Variants in GRIP1 observed in about 807,000 individuals in gnomAD.
The protein encoded by GRIP1 is glutamate receptor interacting protein 1.
A neutral mutation model predicts 129.9 loss-of-function variants in GRIP1; 45 were observed. That is an observed-to-expected ratio of 0.35 (90% confidence interval 0.27 to 0.44). GRIP1 has a LOEUF of 0.44. Among genes scored for constraint, GRIP1 ranks in the 20% least tolerant of loss-of-function variants. The pLI, the probability that GRIP1 is intolerant of heterozygous loss-of-function variation, is 1.00. For missense variants in GRIP1, 1,196 were observed against 1,396.8 expected, an observed-to-expected ratio of 0.86 and a Z score of 2.29; for synonymous variants, 530 against 520.8, an observed-to-expected ratio of 1.02 and a Z score of -0.24.
At chr12:66,917,979 G>C (rs1457568115) in intron 1 of GRIP1, among the ~76,000 whole-genome samples, 64 of 139,736 alleles carry the variant, frequency 4.6e-4, no homozygotes, top group African/African-American at 1.2e-3. Flanking sequence ...CACACACGGA[G>C]AGAGAGAGAG....
At chr12:66,730,436 A>G (rs956528316) in intron 1 of GRIP1, among the ~76,000 whole-genome samples, 3 of 152,160 alleles carry the variant, frequency 2.0e-5, no homozygotes, top group Non-Finnish European at 4.4e-5. Flanking sequence ...AATGGTTGAA[A>G]AATGCATCAT....
Position 66,999,575 on chromosome 12 carries a change from TTAAG to T in GRIP1, c.58+69471_58+69474del, listed in dbSNP as rs1566112352. Among the ~76,000 whole-genome samples the T allele has an allele frequency of 3.3e-5, 5 of 152,200 alleles. 1 individual carries two copies. In the South Asian group the frequency reaches 6.2e-4, roughly 19 times the overall value. On this transcript the variant is annotated intron_variant, in intron 1 of 1. Coordinates refer to the GRIP1 transcript ENST00000643019. ...AAATTGTAAATCAAGAAAGAGAAGATTAAGTAAGTGAATATTAAAACCAACTAGA... is the reference window on the plus strand; with the variant it reads ...AAATTGTAAATCAAGAAAGAGAAGATTAAGTGAATATTAAAACCAACTAGA...
intron 1 of GRIP1, among the ~76,000 whole-genome samples, chr12:67,014,615 G>A (rs2042757264): frequency 1.3e-5 from 2 of 151,872 alleles, no homozygotes; most frequent in African/African-American, 4.8e-5. Flanking sequence ...TAACACAAAG[G>A]GGGTTCTGTG....
chr12:66,772,826 C>T (rs1434388270), intron 1 of GRIP1, among the ~76,000 whole-genome samples: 1 of 151,682 alleles, frequency 6.6e-6, no homozygotes, highest in Admixed American at 6.6e-5. Context: ...AAGAGCTTTT[C>T]TCATTTAGAC....
intron 1 of GRIP1, among the ~76,000 whole-genome samples, chr12:66,698,153 T>A (rs1324652860): frequency 1.3e-5 from 2 of 152,220 alleles, no homozygotes; most frequent in Non-Finnish European, 2.9e-5. Flanking sequence ...TGCCACCAGA[T>A]ATGGAGGTTC....
intron 1 of GRIP1, among the ~76,000 whole-genome samples, chr12:67,047,065 T>C (rs1443432625): frequency 1.3e-5 from 2 of 152,316 alleles, no homozygotes; most frequent in South Asian, 2.1e-4. Flanking sequence ...ACAATTACCA[T>C]TTACTATAGA....
chr12:66,667,024 C>T (rs1416017130), intron 1 of GRIP1, among the ~76,000 whole-genome samples: 1 of 151,890 alleles, frequency 6.6e-6, no homozygotes, highest in East Asian at 1.9e-4. Flanking sequence ...TTGTTTATGT[C>T]TTTGTTTAGT....
At chr12:66,423,062 CA>C (rs997251312) in intron 14 of GRIP1, among the ~76,000 whole-genome samples, 8 of 152,148 alleles carry the variant, frequency 5.3e-5, no homozygotes, top group African/African-American at 1.9e-4. Context: ...CCAACACTTA[CA>C]AATTAGTAGA....
At chr12:67,059,555 T>G (rs895284331) in intron 1 of GRIP1, among the ~76,000 whole-genome samples, 1 of 152,198 alleles carries the variant, frequency 6.6e-6, no homozygotes, top group Admixed American at 6.5e-5. Flanking sequence ...CTTGAGAAAT[T>G]AGAGAACCCA....
At chr12:66,464,330 G>A (rs7134178) in intron 8 of GRIP1, among the ~76,000 whole-genome samples, 40,953 of 151,752 alleles carry the variant, frequency 0.27, 6,490 homozygotes, top group African/African-American at 0.44. Context: ...TTTACCTTAC[G>A]AGTATAAAAT....
intron 2 of GRIP1, among the ~76,000 whole-genome samples, chr12:66,579,094 C>T (rs1380239726): frequency 1.2e-4 from 18 of 152,176 alleles, no homozygotes; most frequent in South Asian, 4.1e-4. Flanking sequence ...GCAGCATTCA[C>T]GGTTCACGAA....
chr12:66,687,804 T>A (rs1212189198), intron 1 of GRIP1, among the ~76,000 whole-genome samples: 2 of 152,080 alleles, frequency 1.3e-5, no homozygotes, highest in African/African-American at 2.4e-5. Context: ...CGTCTACCCC[T>A]CCAGGTATGG....
At position 66,379,369 on chromosome 12, in the gene GRIP1, G is replaced by C. The variant is rs773978148; in HGVS notation, c.2532C>G (p.Gly844=). The change falls in exon 20 of 25, where the codon GGC becomes GGG. Residue 844 remains glycine, a synonymous_variant. Transcript: ENST00000359742. ...TYDWRSPKQR[G]SLSPVTKPRS... ...GAGGCTTAGTGACTGGGGACAAGCT[G>C]CCTCTCTGTTTTGGACTCCTCCAGT... is the stretch of plus-strand genomic sequence containing the variant. 1.1e-5 allele frequency: 18 copies of C among 1,613,838 alleles called. No individual in the cohort carries two copies. Among genetic ancestry groups the C allele is most frequent in the Non-Finnish European group, 1.4e-5 (17 of 1,179,826 alleles).
At chr12:66,359,596 GA>G (rs1366197146) in intron 23 of GRIP1, among the ~76,000 whole-genome samples, 27 of 152,164 alleles carry the variant, frequency 1.8e-4, no homozygotes, top group Admixed American at 1.5e-3. Flanking sequence ...AGAGTTGATG[GA>G]AAACTCTTCA....
intron 24 of GRIP1, among the ~76,000 whole-genome samples, chr12:66,350,289 G>A (rs1476557571): frequency 2.6e-5 from 4 of 152,068 alleles, no homozygotes; most frequent in Non-Finnish European, 5.9e-5. Context: ...CCTGAGGTCA[G>A]GAGTTCGAGA....
intron 1 of GRIP1, among the ~76,000 whole-genome samples, chr12:66,673,670 A>C (rs2034189020): frequency 6.6e-6 from 1 of 152,220 alleles, no homozygotes; most frequent in Non-Finnish European, 1.5e-5. Context: ...GGTCCAAGCC[A>C]CTGTTCAATG....
intron 1 of GRIP1, among the ~76,000 whole-genome samples, chr12:66,785,690 TTAA>T (rs1384420645): frequency 6.6e-6 from 1 of 152,032 alleles, no homozygotes; most frequent in Non-Finnish European, 1.5e-5. Context: ...TTCATTTGGG[TTAA>T]TAAGCAAAAA....
At chr12:66,834,177 C>CAAAAA (rs60054128) in intron 1 of GRIP1, among the ~76,000 whole-genome samples, 8 of 95,188 alleles carry the variant, frequency 8.4e-5, no homozygotes, top group South Asian at 4.5e-4. Flanking sequence ...GACTTCATCT[C>CAAAAA]AAAAAAAAAA....
chr12:66,358,611 G>A (rs778690825), intron 23 of GRIP1, among the ~76,000 whole-genome samples: 4 of 151,932 alleles, frequency 2.6e-5, no homozygotes, highest in Non-Finnish European at 4.4e-5. Context: ...CTCCTGCATG[G>A]CTAATTTTTG....
Sources: gnomAD v4.1 joint callset for allele counts (sites outside exome capture counted in the v4.1 genomes callset) on GRCh38, gnomAD v4.1.1 for gene constraint, MANE v1.5 for transcripts, NCBI Gene and HGNC (gene_info 2026-07-23, HGNC 2026-07-21) for gene names.